C16orf89: variants seen among roughly 807,000 people sequenced by gnomAD.
C16orf89 encodes UPF0764 protein C16orf89.
C16orf89 carries 57 observed loss-of-function variants against 41.5 expected under a neutral mutation model. The ratio of observed to expected loss-of-function variants is 1.38; its 90% confidence interval spans 1.11 to 1.71. C16orf89 has a LOEUF of 1.71. Ranked by LOEUF, C16orf89 falls within the 40% of genes most tolerant of loss-of-function variation. The probability of loss-of-function intolerance (pLI) is 0.00; values close to 1 mark genes in which losing one functional copy is unlikely to be tolerated. For missense variants in C16orf89, 575 were observed against 445.9 expected (o/e 1.29, Z -2.61); for synonymous variants, 223 against 190.6 (o/e 1.17, Z -1.40).
At chr16:5,062,996 G>C (rs1199077241) in intron 1 of C16orf89, among the ~76,000 whole-genome samples, 2 of 152,220 alleles carry the variant, frequency 1.3e-5, no homozygotes, top group Non-Finnish European at 2.9e-5. Context: ...TGTATATGCA[G>C]TAAGACAATT....
At chr16:5,050,368 C>CA (rs1284420701) in intron 6 of C16orf89, among the ~76,000 whole-genome samples, 235 of 124,736 alleles carry the variant, frequency 1.9e-3, no homozygotes, top group African/African-American at 4.1e-3. Context: ...ACTCTGTCTC[C>CA]AAAAAAAAAA....
chr16:5,060,548 C>G (rs1294283743), intron 2 of C16orf89, 112 bp from the exon 3 acceptor site: 5 of 1,175,536 alleles, frequency 4.3e-6, no homozygotes, highest in Non-Finnish European at 5.9e-6. Context: ...AGGTGCAGCT[C>G]AGGGCTCTAA....
intron 2 of C16orf89, among the ~76,000 whole-genome samples, chr16:5,060,790 C>G (rs1053315121): frequency 1.3e-5 from 2 of 151,764 alleles, no homozygotes; most frequent in African/African-American, 4.8e-5. Flanking sequence ...GCTTGAGGCC[C>G]AACGTTCAAG....
chr16:5,058,532 G>A lies in C16orf89; in HGVS notation c.588C>T (p.Cys196=). ...GGAAGAAGAGCAGTTGGTGGGACAGGCAGTAGCCTGAGCAGCCGGGCTTGG... is the reference window on the plus strand; with the variant it reads ...GGAAGAAGAGCAGTTGGTGGGACAGACAGTAGCCTGAGCAGCCGGGCTTGG... The part of the protein sequence containing the change: ...LMTKPGCSGY[C]LSHQLLFFLW... Residue 196 remains cysteine (C), a synonymous_variant, in exon 4 of 8, where the codon TGC becomes TGT. Transcript: ENST00000472572. The A allele has an allele frequency of 2.5e-6, 4 of 1,612,436 alleles. No homozygotes were observed. The South Asian group carries it at 4.4e-5, about 18-fold the overall frequency.
chr16:5,054,691 T>A (rs1956456985), intron 6 of C16orf89, among the ~76,000 whole-genome samples: 2 of 152,164 alleles, frequency 1.3e-5, no homozygotes, highest in African/African-American at 4.8e-5. Context: ...TCCCATAATT[T>A]CCATGTGCTG....
At chr16:5,046,051 C>T (rs1956290053) in intron 7 of C16orf89, among the ~76,000 whole-genome samples, 1 of 152,126 alleles carries the variant, frequency 6.6e-6, no homozygotes, top group Non-Finnish European at 1.5e-5. Flanking sequence ...CAGCCCCAGC[C>T]CCTCTGTGTC....
chr16:5,051,086 A>C (rs551191731), intron 6 of C16orf89, among the ~76,000 whole-genome samples: 1 of 152,372 alleles, frequency 6.6e-6, no homozygotes, highest in Non-Finnish European at 1.5e-5. Flanking sequence ...ACAGACCCAC[A>C]GCCAACATTA....
At chr16:5,044,924 C>T (rs568388052) in intron 7 of C16orf89, 2 of 1,227,242 alleles carry the variant, frequency 1.6e-6, no homozygotes, top group African/African-American at 3.2e-5. Flanking sequence ...CTCCCTTAGG[C>T]CCCTTTTGCT....
At position 5,055,877 on chromosome 16, in the gene C16orf89, T is replaced by C. The variant is rs1240400759; in HGVS notation, c.763+176A>G. 3.2e-6 allele frequency: 4 copies of C among 1,249,386 alleles called. No individual in the cohort carries two copies. The African/African-American group carries it at 5.9e-5, about 19-fold the overall frequency. 77.4% of individuals were successfully genotyped at this position (1,249,386 alleles called of 1,614,324 possible). On this transcript the variant is annotated intron_variant, in intron 5 of 7. Coordinates refer to ENST00000472572, the MANE Select transcript of C16orf89 (RefSeq NM_001098514.3). ...CTTATACTAAAAATGGATTCATTGC[T>C]TATCTGAAGTTCAAATTTAACTGAG...
At chr16:5,057,069 C>G (rs1351418889) in intron 4 of C16orf89, among the ~76,000 whole-genome samples, 1 of 151,810 alleles carries the variant, frequency 6.6e-6, no homozygotes, top group Non-Finnish European at 1.5e-5. Flanking sequence ...GAAACCCCAT[C>G]TCTACTAAAA....
Position 5,044,861 on chromosome 16 carries a change from T to G in C16orf89, c.956-383A>C, listed in dbSNP as rs1465585678. On this transcript the variant is annotated intron_variant, in intron 7 of 7. Transcript: ENST00000472572. The stretch of plus-strand genomic sequence containing the variant: ...TCTGTCTCAAAAAAAAAAAAAGTGC[T>G]TTTCAGATGTCATTCCAGGCAACTT... The G allele has an allele frequency of 2.4e-6, 3 of 1,255,658 alleles. No individual in the cohort carries two copies. The South Asian group carries it at 4.0e-5, about 17-fold the overall frequency. 77.8% of individuals were successfully genotyped at this position (1,255,658 alleles called of 1,614,324 possible). A position where few individuals can be genotyped will look rare whatever the true frequency, so the allele number is the denominator to read the frequency against.
chr16:5,061,058 C>T (rs575575061), intron 2 of C16orf89, among the ~76,000 whole-genome samples: 2 of 147,226 alleles, frequency 1.4e-5, no homozygotes, highest in African/African-American at 2.5e-5. Context: ...GTCAGGAGTT[C>T]AAGACCAGTC....
At chr16:5,048,637 C>T (rs1246490659) in intron 6 of C16orf89, among the ~76,000 whole-genome samples, 2 of 151,852 alleles carry the variant, frequency 1.3e-5, no homozygotes, top group Non-Finnish European at 2.9e-5. Context: ...CAAGGGAATC[C>T]TACATCTGAA....
intron 6 of C16orf89, among the ~76,000 whole-genome samples, chr16:5,053,356 C>T (rs147424386): frequency 0.011 from 1,656 of 151,180 alleles, 22 homozygotes; most frequent in African/African-American, 0.038. Context: ...GGTGACAGAG[C>T]GAGACTCCAT....
chr16:5,047,781 A>T, intron 7 of C16orf89, 97 bp downstream of exon 7: 1 of 755,840 alleles, frequency 1.3e-6, no homozygotes, highest in East Asian at 2.7e-5. Context: ...GGTGATGCCA[A>T]GTGCTTTTCT....
At chr16:5,047,349 T>C (rs1214332426) in intron 7 of C16orf89, among the ~76,000 whole-genome samples, 3 of 152,230 alleles carry the variant, frequency 2.0e-5, no homozygotes, top group Non-Finnish European at 4.4e-5. Context: ...ACGCAGGTTC[T>C]ATTTTCCTGA....
rs1327151179 is a variant in C16orf89 at position 5,062,515 on chromosome 16, G to C, written c.268C>G (p.Leu90Val). 2 of 1,613,892 alleles carry C rather than the reference G, an allele frequency of 1.2e-6. No individual in the cohort carries two copies. Among genetic ancestry groups the C allele is most frequent in the African/African-American group, 2.7e-5 (2 of 74,932 alleles). The change falls in exon 2 of 8, where the codon CTG becomes GTG. Residue 90 changes from leucine to valine, a missense_variant. Coordinates refer to ENST00000472572, the MANE Select transcript of C16orf89 (RefSeq NM_001098514.3). ...TTCTCCCCCAGCATCCCCACGCGCA[G>C]GCTCAGCGGCTGCAGCAGGGGCTCC... Reference protein sequence around the residue: ...AQEPLLQPLSLRVGMLGEKLE... With the variant: ...AQEPLLQPLSVRVGMLGEKLE...
rs77842446 is a variant in C16orf89, at chr16:5,058,569, C to A, written c.551G>T (p.Arg184Met). Residue 184 changes from arginine to methionine, a missense_variant, in exon 4 of 8, where the codon AGG becomes ATG. Arg to Met is a moderately conservative substitution (Grantham distance 91). Transcript: ENST00000472572. ...SEPCGLSDLC[R>M]SLMTKPGCSG... ...GCAGCCGGGCTTGGTCATGAGGCTCCTGCAGAGGTCTGAGAGGCCGCAGGG... is the reference window on the plus strand; with the variant it reads ...GCAGCCGGGCTTGGTCATGAGGCTCATGCAGAGGTCTGAGAGGCCGCAGGG... 1,336 of 1,612,764 alleles carry A rather than the reference C, an allele frequency of 8.3e-4. 20 individuals carry two copies. In the African/African-American group the frequency reaches 0.016, roughly 20 times the overall value.
chr16:5,044,477 A>C lies in C16orf89; in HGVS notation c.957T>G (p.Asp319Glu), dbSNP rs753083090. The C allele has an allele frequency of 1.2e-6, 2 of 1,612,474 alleles. No individual in the cohort carries two copies. Among genetic ancestry groups the C allele is most frequent in the Non-Finnish European group, 1.7e-6 (2 of 1,179,460 alleles). Reference sequence around the variant, plus strand: ...TGGCTGTGTTGTGGGAGGAGCAGCCATCTAGGGGAGAGAGCCCCCATGAGT... The same window carrying C: ...TGGCTGTGTTGTGGGAGGAGCAGCCCTCTAGGGGAGAGAGCCCCCATGAGT... Reference protein sequence around the residue: ...RVKRREKQFPDGCSSHNTATA... With the variant: ...RVKRREKQFPEGCSSHNTATA... The change falls in exon 8 of 8, where the codon GAT (aspartate) becomes GAG (glutamate). Residue 319 changes from aspartate to glutamate, a missense_variant and splice_region_variant. Asp to Glu is a conservative substitution (Grantham distance 45, BLOSUM62 2). Transcript: ENST00000472572.
Sources: allele counts gnomAD v4.1 joint callset (sites outside exome capture counted in the v4.1 genomes callset), GRCh38; gene constraint gnomAD v4.1.1; transcripts MANE v1.5; gene names NCBI Gene and HGNC (gene_info 2026-07-23, HGNC 2026-07-21).